TSBP1: variants seen among roughly 807,000 people sequenced by gnomAD.
TSBP1 encodes the protein testis-expressed basic protein 1.
Under a neutral mutation model 68.8 loss-of-function variants are expected in TSBP1, and 56 were observed. That is an observed-to-expected ratio of 0.81 (90% confidence interval 0.66 to 1.02). TSBP1 has a LOEUF of 1.02. Ranked by LOEUF, TSBP1 falls within the 50% of genes least tolerant of loss-of-function variation. The pLI is 0.00. For synonymous variants in TSBP1, 171 were observed against 208.7 expected (o/e 0.82, Z 1.56); for missense variants, 502 against 641.2 (o/e 0.78, Z 2.34).
In TSBP1 at chr6:32,368,778, T is replaced by G. The variant is rs763169843; in HGVS notation, c.133+4A>C. Reference sequence around the variant, plus strand: ...TTATTTTTCTCATGAGTATAAGTACTTACTTTGTTCTGAACTGTATCTGGA... The same window carrying G: ...TTATTTTTCTCATGAGTATAAGTACGTACTTTGTTCTGAACTGTATCTGGA... On this transcript the variant is annotated splice_donor_region_variant and intron_variant, in intron 3 of 22. Coordinates refer to ENST00000612031, the Ensembl canonical transcript of TSBP1. 6 of 1,579,382 alleles carry G rather than the reference T, an allele frequency of 3.8e-6. No homozygotes were observed. The highest frequency in any genetic ancestry group is 5.2e-6 in the Non-Finnish European group (6 of 1,156,254).
chr6:32,323,221 A>C, intron 17 of TSBP1, 84 bp from the exon 19 acceptor site: 1 of 850,390 alleles, frequency 1.2e-6, no homozygotes, highest in Non-Finnish European at 2.0e-6. Flanking sequence ...GTAGGGGAGA[A>C]ACTTGGACAC....
intron 16 of TSBP1, among the ~76,000 whole-genome samples, chr6:32,328,828 G>A (rs1340822215): frequency 6.6e-6 from 1 of 152,142 alleles, no homozygotes; most frequent in Non-Finnish European, 1.5e-5. Context: ...TGAGATTACA[G>A]GCATGAGCCA....
In TSBP1 at chr6:32,325,314, C is replaced by T; in HGVS notation, c.515-1700G>A. ...AAACAACTGATGAGAGCCTGAGGAG[C>T]CATTTTGAGCAGTGAGGGACACTCC... On this transcript the variant is annotated intron_variant, in intron 16 of 22. Transcript: ENST00000612031. This position sits in a 1 kb window ranked among gnomAD's most constrained non-coding sequence, Gnocchi z 4.4. 7.6e-7 allele frequency: 1 copy of T among 1,323,126 alleles called. No individual in the cohort carries two copies. The highest frequency in any genetic ancestry group is 2.6e-4 in the Middle Eastern group (1 of 3,882). The allele number at this position is 1,323,126 out of a possible 1,614,324, so 82.0% of individuals were successfully genotyped here. A position where few individuals can be genotyped will look rare whatever the true frequency, so the allele number is the denominator to read the frequency against.
At position 32,339,635 on chromosome 6, in the gene TSBP1, CT is replaced by C. The variant is rs376163574; in HGVS notation, c.352del (p.Ser118ValfsTer2). The C allele has an allele frequency of 5.2e-4, 627 of 1,209,502 alleles. 3 individuals carry two copies. In the African/African-American group the frequency reaches 7.6e-3, roughly 15 times the overall value. 74.9% of individuals were successfully genotyped at this position (1,209,502 alleles called of 1,614,324 possible). A position where few individuals can be genotyped will look rare whatever the true frequency, so the allele number is the denominator to read the frequency against. ...TTCAGTTGTTTGTAAACATTTTATA[CT>C]ACCTATAATAAAAATTGAAAAGTGT... On this transcript the variant is annotated frameshift_variant and splice_region_variant, in exon 10 of 23. Transcript: ENST00000612031. LOFTEE classifies it high-confidence loss of function.
Position 32,316,397 on chromosome 6 carries a change from TA to T in TSBP1, c.560-606del, listed in dbSNP as rs767788642. The stretch of plus-strand genomic sequence containing the variant: ...GAAAAAGACATGTAATACTTACTTA[TA>T]GGTGCTGCCAGCTGACCTAAAAAAA... On this transcript the variant is annotated intron_variant, in intron 18 of 22. Coordinates refer to ENST00000612031, the Ensembl canonical transcript of TSBP1. This position sits in a 1 kb window ranked among gnomAD's most constrained non-coding sequence, Gnocchi z 4.5. 3.8e-6 allele frequency: 6 copies of T among 1,567,948 alleles called. No homozygotes were observed. The South Asian group carries it at 7.0e-5, about 18-fold the overall frequency.
chr6:32,324,355 TAAG>T, intron 16 of TSBP1: 3 of 509,160 alleles, frequency 5.9e-6, no homozygotes, highest in Non-Finnish European at 7.2e-6. Context: ...TTTCCCTTTT[TAAG>T]GTAGTCTCTT....
At chr6:32,355,139 A>T (rs1562173286) in exon 8 of TSBP1, 1 of 1,612,350 alleles carries the variant, frequency 6.2e-7, no homozygotes, top group Non-Finnish European at 8.5e-7. Context: ...GAGTTGGTTG[A>T]TGGTGCTAAA....
In TSBP1 at chr6:32,335,767, G is replaced by A; in HGVS notation, c.451+145C>T. On this transcript the variant is annotated intron_variant, in intron 13 of 22. Transcript: ENST00000612031. This position sits in a 1 kb window ranked among gnomAD's most constrained non-coding sequence, Gnocchi z 5.5. The stretch of plus-strand genomic sequence containing the variant: ...TTCACACAGCTAATCATGACTTACT[G>A]AAATGCTAGGTTGAAGAAAAATAAG... 1.5e-6 allele frequency: 1 copy of A among 677,326 alleles called. No homozygotes were observed. The highest frequency in any genetic ancestry group is 2.5e-6 in the Non-Finnish European group (1 of 393,248). 42.0% of individuals were successfully genotyped at this position (677,326 alleles called of 1,614,324 possible).
intron 22 of TSBP1, among the ~76,000 whole-genome samples, chr6:32,298,768 A>T (rs559150949): frequency 6.6e-6 from 1 of 152,322 alleles, no homozygotes; most frequent in Non-Finnish European, 1.5e-5. Flanking sequence ...GTGTCTCACT[A>T]GGTTTAAGTC....
chr6:32,349,215 A>G (rs1470803657), intron 9 of TSBP1, among the ~76,000 whole-genome samples: 1 of 128,612 alleles, frequency 7.8e-6, no homozygotes, highest in East Asian at 2.3e-4. Context: ...TTTTTTTTGC[A>G]GGGGACAGGG....
chr6:32,300,354 A>G (rs1394098979), intron 21 of TSBP1, among the ~76,000 whole-genome samples: 2 of 152,206 alleles, frequency 1.3e-5, no homozygotes, highest in African/African-American at 4.8e-5. Context: ...TGTCAATCTT[A>G]GAGGATTTTC....
At position 32,359,919 on chromosome 6, in the gene TSBP1, A is replaced by C. The variant is rs867324658; in HGVS notation, c.218-4250T>G. 3.1e-4 allele frequency among the ~76,000 whole-genome samples: 47 copies of C among 152,184 alleles called. 1 individual carries two copies. The highest frequency in any genetic ancestry group is 1.1e-3 in the African/African-American group (46 of 41,540). Reference sequence around the variant, plus strand: ...TAGCTTTATTGAGGTATAATTATAAAAATTATATATATTTAAGGTATTACA... The same window carrying C: ...TAGCTTTATTGAGGTATAATTATAACAATTATATATATTTAAGGTATTACA... On this transcript the variant is annotated intron_variant, in intron 6 of 22. Transcript: ENST00000612031.
chr6:32,326,470 G>A (rs1768231707), intron 16 of TSBP1, among the ~76,000 whole-genome samples: 1 of 152,132 alleles, frequency 6.6e-6, no homozygotes, highest in Non-Finnish European at 1.5e-5. Context: ...ATTGCTAAAT[G>A]TAATAGTCTG....
At chr6:32,342,398 C>T (rs1770490986) in intron 9 of TSBP1, among the ~76,000 whole-genome samples, 1 of 152,184 alleles carries the variant, frequency 6.6e-6, no homozygotes, top group South Asian at 2.1e-4. Flanking sequence ...AGGTGATCCA[C>T]CTGCCTCAGC....
intron 7 of TSBP1, 53 bp downstream of exon 7, chr6:32,355,596 G>A: frequency 6.3e-7 from 1 of 1,582,456 alleles, no homozygotes; most frequent in Non-Finnish European, 8.6e-7. Flanking sequence ...ACAATCTAGG[G>A]AAATGTTACT....
At chr6:32,352,666 A>C (rs2127634517) in intron 8 of TSBP1, among the ~76,000 whole-genome samples, 1 of 152,062 alleles carries the variant, frequency 6.6e-6, no homozygotes, top group Non-Finnish European at 1.5e-5. Context: ...TGCCATTTAA[A>C]AAAGACACAA....
chr6:32,332,099 A>T, intron 14 of TSBP1, 45 bp from the exon 16 acceptor site: 1 of 1,445,864 alleles, frequency 6.9e-7, no homozygotes, highest in Middle Eastern at 1.7e-4. Flanking sequence ...TTATTTGGAG[A>T]GTGTATTTTT....
rs1765425530 is a variant in TSBP1, at chr6:32,302,681, G to A, written c.581-52C>T. 4.4e-6 allele frequency: 6 copies of A among 1,376,498 alleles called. No homozygotes were observed. The highest frequency in any genetic ancestry group is 5.0e-6 in the Non-Finnish European group (5 of 1,000,480). 85.3% of individuals were successfully genotyped at this position (1,376,498 alleles called of 1,614,324 possible). ...TAATGGCAGCATTTTTGGAACAGAA[G>A]TACAGTTCTTTCCTACTCCCAATTC... On this transcript the variant is annotated intron_variant, in intron 19 of 22. Coordinates refer to ENST00000612031, the Ensembl canonical transcript of TSBP1. The surrounding 1 kb of genome is among the most constrained non-coding windows in gnomAD (Gnocchi z 5.1).
At chr6:32,345,962 C>T (rs1192148049) in intron 9 of TSBP1, among the ~76,000 whole-genome samples, 1 of 152,148 alleles carries the variant, frequency 6.6e-6, no homozygotes, top group Non-Finnish European at 1.5e-5. Context: ...ACTAATTACT[C>T]ATCATCCTTT....
Sources: allele counts gnomAD v4.1 joint callset (sites outside exome capture counted in the v4.1 genomes callset), GRCh38; gene constraint gnomAD v4.1.1; non-coding constraint Gnocchi (gnomAD v3.1); transcripts MANE v1.5; gene names NCBI Gene and HGNC (gene_info 2026-07-23, HGNC 2026-07-21).